The following TRPV3 variants were observed in gnomAD, a reference collection of about 807,000 sequenced individuals.
TRPV3 encodes the protein VRL-3.
A neutral mutation model predicts 87.1 loss-of-function variants in TRPV3; 88 were observed. The observed-to-expected ratio is 1.01, with a 90% CI of 0.85 to 1.21. The LOEUF is 1.21. Ranked by LOEUF, TRPV3 falls within the 50% of genes most tolerant of loss-of-function variation. The pLI is 0.00. For synonymous variants in TRPV3, 438 were observed against 423.3 expected (o/e 1.03, Z -0.43); for missense variants, 1,054 against 1,030.1 (o/e 1.02, Z -0.32).
rs764008237 is a variant in TRPV3, at chr17:3,557,306, T to C, written c.-3+370A>G. 6.6e-6 allele frequency among the ~76,000 whole-genome samples: 1 copy of C among 152,104 alleles called. No individual in the cohort carries two copies. The highest frequency in any genetic ancestry group is 1.5e-5 in the Non-Finnish European group (1 of 67,986). On this transcript the variant is annotated intron_variant, in intron 1 of 17. Coordinates refer to ENST00000576742, the MANE Select transcript of TRPV3 (RefSeq NM_145068.4). This position sits in a 1 kb window ranked among gnomAD's most constrained non-coding sequence, Gnocchi z 4.5. ...ACGGTGGGGCCACCTCCTCCCATCCTGAACTCCCATCACAATCCTGCCCCA... is the reference window on the plus strand; with the variant it reads ...ACGGTGGGGCCACCTCCTCCCATCCCGAACTCCCATCACAATCCTGCCCCA...
chr17:3,551,018 A>T (rs1264525349), intron 2 of TRPV3, among the ~76,000 whole-genome samples: 2 of 152,218 alleles, frequency 1.3e-5, no homozygotes. Flanking sequence ...ATGGGAGCTC[A>T]GAGGAAGAGA....
Position 3,520,966 on chromosome 17 carries a change from C to A in TRPV3, c.1810+7G>T. ...GTGGGAGTTACTATTATTTATAAAT[C>A]AATTACCTACTCCAAATCCAAGCAA... On this transcript the variant is annotated splice_region_variant and intron_variant, in intron 14 of 17. Coordinates refer to ENST00000576742, the MANE Select transcript of TRPV3 (RefSeq NM_145068.4). 2 of 1,578,214 alleles carry A rather than the reference C, an allele frequency of 1.3e-6. No homozygotes were observed. Among genetic ancestry groups the A allele is most frequent in the South Asian group, 2.2e-5 (2 of 89,780 alleles).
chr17:3,534,301 G>A (rs1339008928), intron 7 of TRPV3, among the ~76,000 whole-genome samples: 1 of 152,100 alleles, frequency 6.6e-6, no homozygotes, highest in African/African-American at 2.4e-5. Flanking sequence ...GCTGCAGCAT[G>A]AGAATCGCTT....
At position 3,518,027 on chromosome 17, in the gene TRPV3, C is replaced by A. The variant is rs2074199995; in HGVS notation, c.2085+549G>T. ...AGCGATGAGGTTTCACCATGTTGGC[C>A]AAGCTGGGCTCGAACTCTTGACCTC... On this transcript the variant is annotated intron_variant, in intron 15 of 17. Coordinates refer to ENST00000576742, the MANE Select transcript of TRPV3 (RefSeq NM_145068.4). This position sits in a 1 kb window ranked among gnomAD's most constrained non-coding sequence, Gnocchi z 4.3. 6.6e-6 allele frequency among the ~76,000 whole-genome samples: 1 copy of A among 152,054 alleles called. No individual in the cohort carries two copies. Among genetic ancestry groups the A allele is most frequent in the Non-Finnish European group, 1.5e-5 (1 of 68,012 alleles).
At chr17:3,533,000 C>T in intron 7 of TRPV3, 63 bp from the exon 8 acceptor site, 1 of 1,582,656 alleles carries the variant, frequency 6.3e-7, no homozygotes, top group Non-Finnish European at 8.6e-7. Context: ...CCCCCAAGCC[C>T]CAGGACTGGG....
chr17:3,521,904 C>T (rs9895933), intron 13 of TRPV3, among the ~76,000 whole-genome samples: 52,955 of 151,688 alleles, frequency 0.35, 10,275 homozygotes, highest in African/African-American at 0.52. Flanking sequence ...GGCGAAACCC[C>T]GTCTCTACTA....
Position 3,521,021 on chromosome 17 carries a change from G to C in TRPV3, c.1762C>G (p.Leu588Val), listed in dbSNP as rs1221822755. 1.2e-6 allele frequency: 2 copies of C among 1,607,896 alleles called. No individual in the cohort carries two copies. Among genetic ancestry groups the C allele is most frequent in the Admixed American group, 1.7e-5 (1 of 59,592 alleles). The change falls in exon 14 of 18, where the codon CTG (leucine) becomes GTG (valine). Residue 588 changes from leucine to valine, a missense_variant. Physicochemically the swap from Leu to Val is conservative, Grantham distance 32 (BLOSUM62 1). Transcript: ENST00000576742. The part of the protein sequence containing the change: ...MIQKVILHDV[L>V]KFLFVYIVFL... ...ACGATATATACAAACAAGAACTTCA[G>C]AACATCATGCAAAATGACCTATAAG...
At chr17:3,520,164 G>T (rs955114516) in intron 14 of TRPV3, among the ~76,000 whole-genome samples, 3 of 152,150 alleles carry the variant, frequency 2.0e-5, no homozygotes, top group Non-Finnish European at 4.4e-5. Flanking sequence ...AATGTCAATG[G>T]TCACTGAAGA....
chr17:3,538,719 G>A (rs982336879), intron 6 of TRPV3, among the ~76,000 whole-genome samples: 4 of 152,002 alleles, frequency 2.6e-5, no homozygotes, highest in Non-Finnish European at 5.9e-5. Flanking sequence ...CAAGTAGCTG[G>A]GATTACAAGC....
At chr17:3,526,572 G>A (rs2150786940) in intron 12 of TRPV3, among the ~76,000 whole-genome samples, 1 of 152,154 alleles carries the variant, frequency 6.6e-6, no homozygotes, top group South Asian at 2.1e-4. Context: ...GCTCTGTGAT[G>A]GGTAGAGTTG....
chr17:3,534,149 G>A (rs764587982), intron 7 of TRPV3, among the ~76,000 whole-genome samples: 15 of 152,036 alleles, frequency 9.9e-5, no homozygotes, highest in Non-Finnish European at 1.5e-4. Flanking sequence ...CCTATGCAGG[G>A]CAATGGGGAC....
In TRPV3 at chr17:3,535,668, A is replaced by G. The variant is rs1567639366; in HGVS notation, c.689T>C (p.Ile230Thr). The G allele has an allele frequency of 1.9e-6, 3 of 1,598,360 alleles. No homozygotes were observed. Among genetic ancestry groups the G allele is most frequent in the South Asian group, 2.2e-5 (2 of 89,350 alleles). The stretch of plus-strand genomic sequence containing the variant: ...GCCGGCGGCGATGAGCAGGGCTGCG[A>G]TGTCCCCCTGCCGCCGCTCGATGGC... Reference protein sequence around the residue: ...NIAIERRQGDIAALLIAAGAD... With the variant: ...NIAIERRQGDTAALLIAAGAD... Residue 230 changes from isoleucine (I) to threonine (T), a missense_variant, in exon 7 of 18, where the codon ATC (isoleucine) becomes ACC (threonine). Physicochemically the swap from Ile to Thr is moderately conservative, Grantham distance 89 (BLOSUM62 -1). Transcript: ENST00000576742.
intron 14 of TRPV3, among the ~76,000 whole-genome samples, chr17:3,520,214 T>C (rs1186415803): frequency 6.6e-6 from 1 of 152,150 alleles, no homozygotes; most frequent in African/African-American, 2.4e-5. Context: ...GAAAATGATA[T>C]CTCTCTATGC....
intron 1 of TRPV3, among the ~76,000 whole-genome samples, chr17:3,555,766 G>A (rs1032550015): frequency 1.3e-5 from 2 of 152,192 alleles, no homozygotes; most frequent in African/African-American, 4.8e-5. Flanking sequence ...AGGGTCAGGA[G>A]TGGCAGGAGT....
At position 3,527,527 on chromosome 17, in the gene TRPV3, C is replaced by A. The variant is rs113070154; in HGVS notation, c.1503+498G>T. On this transcript the variant is annotated intron_variant, in intron 11 of 17. Coordinates refer to ENST00000576742, the MANE Select transcript of TRPV3 (RefSeq NM_145068.4). The stretch of plus-strand genomic sequence containing the variant: ...CAAACTCGTCCCAACCCTGTCACCT[C>A]CTCCAGGGCCACACATATATAGAAG... Among the ~76,000 whole-genome samples the A allele has an allele frequency of 5.2e-3, 786 of 152,314 alleles. 4 individuals are homozygous for A. Among genetic ancestry groups the A allele is most frequent in the African/African-American group, 0.017 (714 of 41,548 alleles).
Position 3,513,638 on chromosome 17 carries a change from C to G in TRPV3, c.*279G>C, listed in dbSNP as rs544410561. 5 of 341,456 alleles carry G rather than the reference C, an allele frequency of 1.5e-5. No homozygotes were observed. In the East Asian group the frequency reaches 2.4e-4, roughly 16 times the overall value. The allele number at this position is 341,456 out of a possible 1,614,324, so 21.2% of individuals were successfully genotyped here. A position where few individuals can be genotyped will look rare whatever the true frequency, so the allele number is the denominator to read the frequency against. On this transcript the variant is annotated 3_prime_UTR_variant, in exon 18 of 18. Coordinates refer to ENST00000576742, the MANE Select transcript of TRPV3 (RefSeq NM_145068.4). ...GCAATTGGTAAAACCAGAGGCTTCA[C>G]CCGGGACTTCAGGAGGCTCCCAGGC...
chr17:3,524,074 A>G (rs1343202321), intron 13 of TRPV3, 124 bp downstream of exon 13: 7 of 1,278,768 alleles, frequency 5.5e-6, no homozygotes, highest in Admixed American at 2.1e-5. Context: ...AGTGCATGGC[A>G]TTTGGGAGAA....
At chr17:3,526,779 G>T in intron 12 of TRPV3, 75 bp downstream of exon 12, 1 of 1,188,074 alleles carries the variant, frequency 8.4e-7, no homozygotes, top group Non-Finnish European at 1.2e-6. Flanking sequence ...TTGTTCAAGA[G>T]GCGGACACGG....
At chr17:3,551,252 C>T (rs1360998515) in intron 2 of TRPV3, among the ~76,000 whole-genome samples, 1 of 152,006 alleles carries the variant, frequency 6.6e-6, no homozygotes, top group African/African-American at 2.4e-5. Context: ...TGGGGAGGAC[C>T]CCAACTGTTG....
Sources: gnomAD v4.1 joint callset for allele counts (sites outside exome capture counted in the v4.1 genomes callset) on GRCh38, gnomAD v4.1.1 for gene constraint, Gnocchi (gnomAD v3.1) non-coding constraint, MANE v1.5 for transcripts, NCBI Gene and HGNC (gene_info 2026-07-23, HGNC 2026-07-21) for gene names.